Variants in RAB15 observed in about 807,000 individuals in gnomAD.
RAB15 encodes the protein RAB15, member RAS oncogene family, also known as ras-related protein Rab-15.
RAB15 carries 13 observed loss-of-function variants against 31.8 expected under a neutral mutation model. The observed-to-expected ratio is 0.41, with a 90% CI of 0.27 to 0.65. The LOEUF is 0.65. RAB15 is among the 30% of genes least tolerant of loss of function. RAB15 has a pLI of 0.32. For synonymous variants in RAB15, 100 were observed against 105.6 expected (o/e 0.95, Z 0.33); for missense variants, 220 against 277.3 (o/e 0.79, Z 1.47).
chr14:64,964,305 C>T (rs922560510), intron 1 of RAB15, among the ~76,000 whole-genome samples: 4 of 151,874 alleles, frequency 2.6e-5, no homozygotes, highest in African/African-American at 4.8e-5. Context: ...GGGCGGATCA[C>T]GAGGTCAGGA....
At chr14:64,965,946 CTG>C (rs1887113836) in intron 1 of RAB15, among the ~76,000 whole-genome samples, 1 of 152,144 alleles carries the variant, frequency 6.6e-6, no homozygotes, top group South Asian at 2.1e-4. Flanking sequence ...GAGGCCGAGT[CTG>C]TGCCTGTGTC....
At position 64,972,211 on chromosome 14, in the gene RAB15, G is replaced by T; in HGVS notation, c.-135C>A. Reference sequence around the variant, plus strand: ...GACGCCGGGCCCGGCCCCCGCGGCTGCCTCGCCCGCCCGCCTGCCCACTCG... The same window carrying T: ...GACGCCGGGCCCGGCCCCCGCGGCTTCCTCGCCCGCCCGCCTGCCCACTCG... On this transcript the variant is annotated 5_prime_UTR_variant, in exon 1 of 7. Transcript: ENST00000533601. The surrounding 1 kb of genome is among the most constrained non-coding windows in gnomAD (Gnocchi z 6.3). 1 of 576,676 alleles carries T rather than the reference G, an allele frequency of 1.7e-6. No homozygotes were observed. The highest frequency in any genetic ancestry group is 2.2e-6 in the Non-Finnish European group (1 of 456,112). The allele number at this position is 576,676 out of a possible 1,614,324, so 35.7% of individuals were successfully genotyped here.
In RAB15 at chr14:64,951,104, G is replaced by T; in HGVS notation, c.294C>A (p.His98Gln). ...CCACGTCACTGACCCACTTCATGAT[G>T]TGCTGGTAAGAGCGCTCGCTGCTAA... ...YDISSERSYQ[H>Q]IMKWVSDVDE... The change falls in exon 4 of 7, where the codon CAC (histidine) becomes CAA (glutamine). Residue 98 changes from histidine to glutamine, a missense_variant. By Grantham distance (24) the His-to-Gln change is conservative. Coordinates refer to ENST00000533601, the MANE Select transcript of RAB15 (RefSeq NM_001308154.2). This position sits in a 1 kb window ranked among gnomAD's most constrained non-coding sequence, Gnocchi z 7.2. 1 of 1,612,952 alleles carries T rather than the reference G, an allele frequency of 6.2e-7. No individual in the cohort carries two copies. The highest frequency in any genetic ancestry group is 8.5e-7 in the Non-Finnish European group (1 of 1,180,004).
intron 1 of RAB15, among the ~76,000 whole-genome samples, chr14:64,967,179 C>T (rs916663339): frequency 6.6e-6 from 1 of 152,194 alleles, no homozygotes; most frequent in African/African-American, 2.4e-5. Context: ...CCTGTCCAAC[C>T]AGATCACCCT....
chr14:64,972,068 C>T lies in RAB15; in HGVS notation c.9G>A (p.Lys3=). The change falls in exon 1 of 7, where the codon AAG becomes AAA. Residue 3 remains lysine, a synonymous_variant. Coordinates refer to ENST00000533601, the MANE Select transcript of RAB15 (RefSeq NM_001308154.2). The surrounding 1 kb of genome is among the most constrained non-coding windows in gnomAD (Gnocchi z 6.3). ...GCAGCCGGAACAGCACATCGTACTG[C>T]TTCGCCATGACTGGGGCCAGCGGGG... is the stretch of plus-strand genomic sequence containing the variant. MA[K]QYDVLFRLLL... 1 of 1,606,628 alleles carries T rather than the reference C, an allele frequency of 6.2e-7. No homozygotes were observed. The highest frequency in any genetic ancestry group is 8.5e-7 in the Non-Finnish European group (1 of 1,177,342).
At position 64,948,832 on chromosome 14, in the gene RAB15, G is replaced by A. The variant is rs552700886; in HGVS notation, c.415-99C>T. 3.3e-4 allele frequency: 335 copies of A among 1,009,956 alleles called. 1 individual carries two copies. In the African/African-American group the frequency reaches 4.7e-3, roughly 14 times the overall value. The allele number at this position is 1,009,956 out of a possible 1,614,324, so 62.6% of individuals were successfully genotyped here. A position where few individuals can be genotyped will look rare whatever the true frequency, so the allele number is the denominator to read the frequency against. On this transcript the variant is annotated intron_variant, in intron 5 of 6. Transcript: ENST00000533601. This position sits in a 1 kb window ranked among gnomAD's most constrained non-coding sequence, Gnocchi z 7.0. ...CTGCCACTGCACTCACAACCATGCT[G>A]TGTTGTGACGATTTCTCAGAGTAGA...
Position 64,958,661 on chromosome 14 carries a change from C to T in RAB15, c.125-6090G>A, listed in dbSNP as rs1177086903. 6.6e-6 allele frequency among the ~76,000 whole-genome samples: 1 copy of T among 152,112 alleles called. No individual in the cohort carries two copies. The highest frequency in any genetic ancestry group is 1.9e-4 in the East Asian group (1 of 5,192). ...AGTGTCCCTACAAAACAGTCTACTT[C>T]CTTTCTTGGGTACAGAAAGAAATAG... is the stretch of plus-strand genomic sequence containing the variant. On this transcript the variant is annotated intron_variant, in intron 1 of 6. Coordinates refer to ENST00000533601, the MANE Select transcript of RAB15 (RefSeq NM_001308154.2). This position sits in a 1 kb window ranked among gnomAD's most constrained non-coding sequence, Gnocchi z 4.4.
intron 5 of RAB15, among the ~76,000 whole-genome samples, chr14:64,949,847 C>T (rs1886149686): frequency 6.6e-6 from 1 of 152,150 alleles, no homozygotes; most frequent in Admixed American, 6.5e-5. Context: ...CCTTTCTGCC[C>T]CCATGGCTTC....
In RAB15 at chr14:64,950,917, C is replaced by T. The variant is rs780041657; in HGVS notation, c.324+157G>A. ...ATAGAGAGTGAGGGCATGGCAGCTT[C>T]GGTTTCTTCCCCATGTCTTACTCAC... On this transcript the variant is annotated intron_variant, in intron 4 of 6. Transcript: ENST00000533601. The surrounding 1 kb of genome is among the most constrained non-coding windows in gnomAD (Gnocchi z 5.6). The T allele has an allele frequency of 1.6e-5, 24 of 1,529,864 alleles. No individual in the cohort carries two copies. Among genetic ancestry groups the T allele is most frequent in the South Asian group, 6.9e-5 (6 of 87,400 alleles). 94.8% of individuals were successfully genotyped at this position (1,529,864 alleles called of 1,614,324 possible). A position where few individuals can be genotyped will look rare whatever the true frequency, so the allele number is the denominator to read the frequency against.
Position 64,952,496 on chromosome 14 carries a change from T to A in RAB15, c.185+15A>T. The stretch of plus-strand genomic sequence containing the variant: ...CTCTTCTCCTACATCTGCCTCCTCC[T>A]CCTCCCCAGCTCACCAGATCTGTAT... On this transcript the variant is annotated intron_variant, in intron 2 of 6. Transcript: ENST00000533601. The surrounding 1 kb of genome is among the most constrained non-coding windows in gnomAD (Gnocchi z 4.2). 1 of 1,606,574 alleles carries A rather than the reference T, an allele frequency of 6.2e-7. No homozygotes were observed. The highest frequency in any genetic ancestry group is 1.1e-5 in the South Asian group (1 of 90,840).
Position 64,950,203 on chromosome 14 carries a change from G to T in RAB15, c.414+122C>A, listed in dbSNP as rs1005130099. On this transcript the variant is annotated intron_variant, in intron 5 of 6. Transcript: ENST00000533601. The surrounding 1 kb of genome is among the most constrained non-coding windows in gnomAD (Gnocchi z 5.6). Reference sequence around the variant, plus strand: ...ATGGCCACTCCCCCAGGGCCTTGGGGTGCTGGGGACGTGTGGGAGGACCTG... The same window carrying T: ...ATGGCCACTCCCCCAGGGCCTTGGGTTGCTGGGGACGTGTGGGAGGACCTG... 7.4e-6 allele frequency: 6 copies of T among 813,822 alleles called. No individual in the cohort carries two copies. In the African/African-American group the frequency reaches 8.4e-5, roughly 11 times the overall value. 50.4% of individuals were successfully genotyped at this position (813,822 alleles called of 1,614,324 possible).
At position 64,951,530 on chromosome 14, in the gene RAB15, A is replaced by G. The variant is rs1886249491; in HGVS notation, c.246+73T>C. The G allele has an allele frequency of 2.2e-6, 3 of 1,350,298 alleles. No homozygotes were observed. The highest frequency in any genetic ancestry group is 1.7e-5 in the Admixed American group (1 of 59,684). The allele number at this position is 1,350,298 out of a possible 1,614,324, so 83.6% of individuals were successfully genotyped here. ...TGTATTTAGGGGATCCGTGGCACAG[A>G]CATCTCAAATACCCAGAGCTGGGAG... On this transcript the variant is annotated intron_variant, in intron 3 of 6. Coordinates refer to ENST00000533601, the MANE Select transcript of RAB15 (RefSeq NM_001308154.2). This position sits in a 1 kb window ranked among gnomAD's most constrained non-coding sequence, Gnocchi z 7.2.
In RAB15 at chr14:64,953,213, C is replaced by T. The variant is rs1886358693; in HGVS notation, c.125-642G>A. The stretch of plus-strand genomic sequence containing the variant: ...AGGAGCATGGGCTTTGGTGTCAGGC[C>T]TGAGCTTATCTCCTCCCTCTGGCCA... On this transcript the variant is annotated intron_variant, in intron 1 of 6. Coordinates refer to ENST00000533601, the MANE Select transcript of RAB15 (RefSeq NM_001308154.2). The surrounding 1 kb of genome is among the most constrained non-coding windows in gnomAD (Gnocchi z 4.6). Among the ~76,000 whole-genome samples the T allele has an allele frequency of 6.6e-6, 1 of 152,238 alleles. No homozygotes were observed. Among genetic ancestry groups the T allele is most frequent in the Non-Finnish European group, 1.5e-5 (1 of 68,042 alleles).
intron 1 of RAB15, among the ~76,000 whole-genome samples, chr14:64,959,105 C>T (rs1028289406): frequency 1.3e-5 from 2 of 152,202 alleles, no homozygotes; most frequent in African/African-American, 4.8e-5. Flanking sequence ...TGGTAATGAG[C>T]AGGGCATGAG....
rs930644311 is a variant in RAB15 at position 64,971,432 on chromosome 14, C to T, written c.124+521G>A. Among the ~76,000 whole-genome samples, 2 of 152,112 alleles carry T rather than the reference C, an allele frequency of 1.3e-5. No individual in the cohort carries two copies. The highest frequency in any genetic ancestry group is 4.8e-5 in the African/African-American group (2 of 41,406). On this transcript the variant is annotated intron_variant, in intron 1 of 6. Coordinates refer to ENST00000533601, the MANE Select transcript of RAB15 (RefSeq NM_001308154.2). This position sits in a 1 kb window ranked among gnomAD's most constrained non-coding sequence, Gnocchi z 4.1. ...CCAGGTGTCCCACCTTGCGGCTTAC[C>T]TTCCCAACTCTGCCCTGGAAACTCG...
At chr14:64,966,872 C>G (rs1294293762) in intron 1 of RAB15, among the ~76,000 whole-genome samples, 2 of 152,150 alleles carry the variant, frequency 1.3e-5, no homozygotes, top group Non-Finnish European at 2.9e-5. Flanking sequence ...AAGGCTGACA[C>G]AGACCCAGCC....
chr14:64,950,886 C>T lies in RAB15; in HGVS notation c.324+188G>A. ...GAAAGACACAGCCGTGGAGGCCTGG[C>T]AGGGTATAGAGAGTGAGGGCATGGC... is the stretch of plus-strand genomic sequence containing the variant. On this transcript the variant is annotated intron_variant, in intron 4 of 6. Transcript: ENST00000533601. This position sits in a 1 kb window ranked among gnomAD's most constrained non-coding sequence, Gnocchi z 5.6. 8.6e-7 allele frequency: 1 copy of T among 1,160,878 alleles called. No individual in the cohort carries two copies. The highest frequency in any genetic ancestry group is 1.3e-6 in the Non-Finnish European group (1 of 797,298). 71.9% of individuals were successfully genotyped at this position (1,160,878 alleles called of 1,614,324 possible).
intron 1 of RAB15, among the ~76,000 whole-genome samples, chr14:64,956,125 G>A (rs1253709528): frequency 1.3e-5 from 2 of 152,096 alleles, no homozygotes; most frequent in South Asian, 2.1e-4. Flanking sequence ...AATTCTGGCC[G>A]CACGCGGTGG....
Position 64,950,889 on chromosome 14 carries a change from G to T in RAB15, c.324+185C>A. ...AGACACAGCCGTGGAGGCCTGGCAG[G>T]GTATAGAGAGTGAGGGCATGGCAGC... On this transcript the variant is annotated intron_variant, in intron 4 of 6. Coordinates refer to ENST00000533601, the MANE Select transcript of RAB15 (RefSeq NM_001308154.2). This position sits in a 1 kb window ranked among gnomAD's most constrained non-coding sequence, Gnocchi z 5.6. 1 of 1,204,638 alleles carries T rather than the reference G, an allele frequency of 8.3e-7. No homozygotes were observed. Among genetic ancestry groups the T allele is most frequent in the Non-Finnish European group, 1.2e-6 (1 of 826,382 alleles). 74.6% of individuals were successfully genotyped at this position (1,204,638 alleles called of 1,614,324 possible). A position where few individuals can be genotyped will look rare whatever the true frequency, so the allele number is the denominator to read the frequency against.
Sources: allele counts gnomAD v4.1 joint callset (sites outside exome capture counted in the v4.1 genomes callset), GRCh38; gene constraint gnomAD v4.1.1; non-coding constraint Gnocchi (gnomAD v3.1); transcripts MANE v1.5; gene names NCBI Gene and HGNC (gene_info 2026-07-23, HGNC 2026-07-21).